The following BRIP1 variants were observed in gnomAD, a reference collection of about 807,000 sequenced individuals.
BRIP1 encodes BRCA1 interacting DNA helicase 1.
BRIP1 carries 88 observed loss-of-function variants against 119.7 expected under a neutral mutation model. The observed-to-expected ratio is 0.74, with a 90% confidence interval of 0.62 to 0.88. BRIP1 has a LOEUF of 0.88. Ranked by LOEUF, BRIP1 falls within the 40% of genes least tolerant of loss-of-function variation. BRIP1 has a pLI of 0.00. For missense variants in BRIP1, 1,259 were observed against 1,455.4 expected (o/e 0.87, Z 2.20); for synonymous variants, 443 against 496.5 (o/e 0.89, Z 1.43).
At chr17:61,723,560 T>C (rs1234245507) in intron 16 of BRIP1, among the ~76,000 whole-genome samples, 1 of 152,204 alleles carries the variant, frequency 6.6e-6, no homozygotes, top group Non-Finnish European at 1.5e-5. Context: ...TTTTACATTA[T>C]GGAAGTTAAC....
In BRIP1 at chr17:61,746,257, T is replaced by C. The variant is rs2077056320; in HGVS notation, c.2098-1666A>G. ...ACAGCTAAGAAGTTATTATATTACT[T>C]TTTATTCTCCAGAAAGACATCAAGG... On this transcript the variant is annotated intron_variant, in intron 14 of 19. Coordinates refer to ENST00000259008, the MANE Select transcript of BRIP1 (RefSeq NM_032043.3). This position sits in a 1 kb window ranked among gnomAD's most constrained non-coding sequence, Gnocchi z 4.9. Among the ~76,000 whole-genome samples, 1 of 152,170 alleles carries C rather than the reference T, an allele frequency of 6.6e-6. No homozygotes were observed. Among genetic ancestry groups the C allele is most frequent in the African/African-American group, 2.4e-5 (1 of 41,456 alleles).
intron 6 of BRIP1, among the ~76,000 whole-genome samples, chr17:61,836,684 A>C (rs2078579477): frequency 6.6e-6 from 1 of 152,232 alleles, no homozygotes; most frequent in South Asian, 2.1e-4. Flanking sequence ...GTAATGAGAC[A>C]AACAAAACAA....
At chr17:61,813,339 C>A (rs959558840) in intron 6 of BRIP1, among the ~76,000 whole-genome samples, 4 of 151,984 alleles carry the variant, frequency 2.6e-5, no homozygotes, top group African/African-American at 9.7e-5. Flanking sequence ...ACTGCAAATT[C>A]CTTGAAGACA....
chr17:61,709,839 G>A lies in BRIP1; in HGVS notation c.2492+6112C>T, dbSNP rs541713110. Reference sequence around the variant, plus strand: ...CCAAAGGCTGTTCTTGTATTTCATAGACTTATATTACTTCAAATACTCTAA... The same window carrying A: ...CCAAAGGCTGTTCTTGTATTTCATAAACTTATATTACTTCAAATACTCTAA... On this transcript the variant is annotated intron_variant, in intron 17 of 19. Transcript: ENST00000259008. The surrounding 1 kb of genome is among the most constrained non-coding windows in gnomAD (Gnocchi z 5.0). Among the ~76,000 whole-genome samples the A allele has an allele frequency of 5.6e-4, 85 of 151,796 alleles. No individual in the cohort carries two copies. The highest frequency in any genetic ancestry group is 2.0e-3 in the African/African-American group (81 of 41,172).
intron 17 of BRIP1, among the ~76,000 whole-genome samples, chr17:61,698,898 G>T (rs1486654481): frequency 6.6e-6 from 1 of 151,906 alleles, no homozygotes; most frequent in South Asian, 2.1e-4. Context: ...TGTACTTTTA[G>T]TAGAGACAGG....
rs2061646141 is a variant in BRIP1 at position 61,703,398 on chromosome 17, T to C, written c.2493-9886A>G. ...TTGATTTGCATTTCTCTAATGATAG[T>C]GTGTTGAACATTTTTTCATATGCTT... On this transcript the variant is annotated intron_variant, in intron 17 of 19. Transcript: ENST00000259008. The surrounding 1 kb of genome is among the most constrained non-coding windows in gnomAD (Gnocchi z 5.0). Among the ~76,000 whole-genome samples the C allele has an allele frequency of 6.6e-6, 1 of 152,202 alleles. No individual in the cohort carries two copies. Among genetic ancestry groups the C allele is most frequent in the African/African-American group, 2.4e-5 (1 of 41,464 alleles).
rs2078376263 is a variant in BRIP1, at chr17:61,824,543, A to T, written c.628-15786T>A. 6.6e-6 allele frequency among the ~76,000 whole-genome samples: 1 copy of T among 152,238 alleles called. No individual in the cohort carries two copies. The highest frequency in any genetic ancestry group is 2.1e-4 in the South Asian group (1 of 4,834). ...GTCAAATAATTTTCAGCAGCCTATC[A>T]AGACCATTCAATGGGAAAAGAACAG... On this transcript the variant is annotated intron_variant, in intron 6 of 19. Coordinates refer to ENST00000259008, the MANE Select transcript of BRIP1 (RefSeq NM_032043.3). The surrounding 1 kb of genome is among the most constrained non-coding windows in gnomAD (Gnocchi z 4.3).
rs55963888 is a variant in BRIP1 at position 61,697,336 on chromosome 17, C to CAAAAAAA, written c.2493-3831_2493-3825dup. On this transcript the variant is annotated intron_variant, in intron 17 of 19. Coordinates refer to ENST00000259008, the MANE Select transcript of BRIP1 (RefSeq NM_032043.3). The stretch of plus-strand genomic sequence containing the variant: ...CAGGCAACAGTGTGAGACTCTGTCT[C>CAAAAAAA]AAAAAAAAAAAAAAAAAAAAAAAAA... Among the ~76,000 whole-genome samples the CAAAAAAA allele has an allele frequency of 2.4e-4, 14 of 59,170 alleles. 1 individual carries two copies. The highest frequency in any genetic ancestry group is 4.9e-4 in the African/African-American group (7 of 14,378). The allele number at this position is 59,170 out of a possible 152,430, so 38.8% of individuals were successfully genotyped here. A position where few individuals can be genotyped will look rare whatever the true frequency, so the allele number is the denominator to read the frequency against.
chr17:61,830,049 C>G (rs1309104748), intron 6 of BRIP1, among the ~76,000 whole-genome samples: 1 of 152,016 alleles, frequency 6.6e-6, no homozygotes, highest in East Asian at 1.9e-4. Context: ...TCTCCTGCCT[C>G]AGCCTCCCGA....
In BRIP1 at chr17:61,806,298, A is replaced by G. The variant is rs1172676041; in HGVS notation, c.918+2169T>C. ...AAAGTAAACACAGACACCTATGGTG[A>G]CTTTGTAATTGCCCTTCATTACAAT... On this transcript the variant is annotated intron_variant, in intron 7 of 19. Coordinates refer to ENST00000259008, the MANE Select transcript of BRIP1 (RefSeq NM_032043.3). The surrounding 1 kb of genome is among the most constrained non-coding windows in gnomAD (Gnocchi z 4.9). Among the ~76,000 whole-genome samples, 1 of 152,218 alleles carries G rather than the reference A, an allele frequency of 6.6e-6. No individual in the cohort carries two copies. The highest frequency in any genetic ancestry group is 1.5e-5 in the Non-Finnish European group (1 of 68,014).
At position 61,695,797 on chromosome 17, in the gene BRIP1, T is replaced by C. The variant is rs1030689265; in HGVS notation, c.2493-2285A>G. Among the ~76,000 whole-genome samples, 1 of 152,164 alleles carries C rather than the reference T, an allele frequency of 6.6e-6. No homozygotes were observed. Among genetic ancestry groups the C allele is most frequent in the African/African-American group, 2.4e-5 (1 of 41,452 alleles). ...TTTTGGCTGCTAGTGAATAAAAATGTCATTGATTTTTTAATATTGGTCTTG... is the reference window on the plus strand; with the variant it reads ...TTTTGGCTGCTAGTGAATAAAAATGCCATTGATTTTTTAATATTGGTCTTG... On this transcript the variant is annotated intron_variant, in intron 17 of 19. Coordinates refer to ENST00000259008, the MANE Select transcript of BRIP1 (RefSeq NM_032043.3). This position sits in a 1 kb window ranked among gnomAD's most constrained non-coding sequence, Gnocchi z 4.3.
intron 14 of BRIP1, among the ~76,000 whole-genome samples, chr17:61,766,782 C>G (rs960530419): frequency 2.0e-5 from 3 of 151,646 alleles, no homozygotes; most frequent in Admixed American, 1.3e-4. Context: ...TTTTTTAAGT[C>G]GAAGTCTGTA....
chr17:61,700,779 G>A lies in BRIP1; in HGVS notation c.2493-7267C>T, dbSNP rs945789057. Among the ~76,000 whole-genome samples, 1 of 151,904 alleles carries A rather than the reference G, an allele frequency of 6.6e-6. No homozygotes were observed. The highest frequency in any genetic ancestry group is 1.5e-5 in the Non-Finnish European group (1 of 67,984). On this transcript the variant is annotated intron_variant, in intron 17 of 19. Transcript: ENST00000259008. The surrounding 1 kb of genome is among the most constrained non-coding windows in gnomAD (Gnocchi z 4.1). ...CCTCTCCTTCTGGGACTCCAAATAT[G>A]CATATGTTGGTACGCTTGATGAGGT...
rs2077278977 is a variant in BRIP1, at chr17:61,761,688, A to G, written c.2097+14713T>C. 6.6e-6 allele frequency among the ~76,000 whole-genome samples: 1 copy of G among 152,004 alleles called. No homozygotes were observed. The highest frequency in any genetic ancestry group is 1.9e-4 in the East Asian group (1 of 5,196). ...AGCTACCAAAAAGAGAGAGAAAGAAAGAAAGAAATTTAACCAAGGTGAAGA... is the reference window on the plus strand; with the variant it reads ...AGCTACCAAAAAGAGAGAGAAAGAAGGAAAGAAATTTAACCAAGGTGAAGA... On this transcript the variant is annotated intron_variant, in intron 14 of 19. Coordinates refer to ENST00000259008, the MANE Select transcript of BRIP1 (RefSeq NM_032043.3). The surrounding 1 kb of genome is among the most constrained non-coding windows in gnomAD (Gnocchi z 6.4).
At chr17:61,784,134 A>G (rs2077664538) in intron 11 of BRIP1, 136 bp downstream of exon 11, 1 of 757,844 alleles carries the variant, frequency 1.3e-6, no homozygotes, top group African/African-American at 1.8e-5. Flanking sequence ...ATAAGAGCAA[A>G]TATATAATAA....
intron 10 of BRIP1, among the ~76,000 whole-genome samples, chr17:61,786,927 TTATATATAA>T (rs1173254318): frequency 2.5e-5 from 1 of 40,548 alleles, no homozygotes; most frequent in East Asian, 8.3e-4. Context: ...AAATATATAT[TTATATATAA>T]TATATTTATA....
In BRIP1 at chr17:61,680,960, C is replaced by G. The variant is rs1181426089; in HGVS notation, c.*2336G>C. On this transcript the variant is annotated 3_prime_UTR_variant, in exon 20 of 20. Coordinates refer to ENST00000259008, the MANE Select transcript of BRIP1 (RefSeq NM_032043.3). ...AAAGAGGTTTAATTGACTCACAGTT[C>G]TGCATGACTGAGGAGGCCTCAAGAA... Among the ~76,000 whole-genome samples, 1 of 152,176 alleles carries G rather than the reference C, an allele frequency of 6.6e-6. No individual in the cohort carries two copies. Among genetic ancestry groups the G allele is most frequent in the Non-Finnish European group, 1.5e-5 (1 of 68,032 alleles).
In BRIP1 at chr17:61,761,536, GAACT is replaced by G. The variant is rs2077277228; in HGVS notation, c.2097+14861_2097+14864del. On this transcript the variant is annotated intron_variant, in intron 14 of 19. Coordinates refer to ENST00000259008, the MANE Select transcript of BRIP1 (RefSeq NM_032043.3). The surrounding 1 kb of genome is among the most constrained non-coding windows in gnomAD (Gnocchi z 6.4). ...TAAAGACTACAACAAAAAACTGTTA[GAACT>G]AATAAATGAATAAATACAGTAAACT... Among the ~76,000 whole-genome samples the G allele has an allele frequency of 6.6e-6, 1 of 151,792 alleles. No homozygotes were observed. The highest frequency in any genetic ancestry group is 1.5e-5 in the Non-Finnish European group (1 of 67,892).
chr17:61,799,003 G>T lies in BRIP1; in HGVS notation c.1340+97C>A. On this transcript the variant is annotated intron_variant, in intron 9 of 19. Transcript: ENST00000259008. This position sits in a 1 kb window ranked among gnomAD's most constrained non-coding sequence, Gnocchi z 5.1. ...AACAATTCATTTCCCAAGAAGCCTA[G>T]TTAACCAAAGTTTACTAACTTTAAA... 1 of 1,221,054 alleles carries T rather than the reference G, an allele frequency of 8.2e-7. No homozygotes were observed. The highest frequency in any genetic ancestry group is 1.2e-6 in the Non-Finnish European group (1 of 833,922). 75.6% of individuals were successfully genotyped at this position (1,221,054 alleles called of 1,614,324 possible). A position where few individuals can be genotyped will look rare whatever the true frequency, so the allele number is the denominator to read the frequency against.
Sources: allele counts gnomAD v4.1 joint callset (sites outside exome capture counted in the v4.1 genomes callset), GRCh38; gene constraint gnomAD v4.1.1; non-coding constraint Gnocchi (gnomAD v3.1); transcripts MANE v1.5; gene names NCBI Gene and HGNC (gene_info 2026-07-23, HGNC 2026-07-21).